The following RASSF3 variants were observed in gnomAD, a reference collection of about 807,000 sequenced individuals.
The protein encoded by RASSF3 is ras association domain-containing protein 3.
Under a neutral mutation model 19.9 loss-of-function variants are expected in RASSF3, and 19 were observed. That is an observed-to-expected ratio of 0.96 (90% CI 0.67 to 1.40). The LOEUF (loss-of-function observed/expected upper bound fraction) is 1.40, where lower values mean the gene tolerates loss of function less well. RASSF3 is among the 40% of genes most tolerant of loss of function. RASSF3 has a pLI of 0.00. For synonymous variants in RASSF3, 110 were observed against 104.2 expected (o/e 1.06, Z -0.34); for missense variants, 306 against 289.8 (o/e 1.06, Z -0.41).
intron 1 of RASSF3, among the ~76,000 whole-genome samples, chr12:64,541,182 C>T (rs764505023): frequency 1.3e-4 from 20 of 149,646 alleles, no homozygotes; most frequent in Admixed American, 2.7e-4. Flanking sequence ...GATGGGGTTT[C>T]GCCATGTTGC....
intron 2 of RASSF3, among the ~76,000 whole-genome samples, chr12:64,563,167 A>AT (rs1424648962): frequency 7.1e-4 from 104 of 146,458 alleles, no homozygotes; most frequent in African/African-American, 2.4e-3. Context: ...ATTTATTTTT[A>AT]TTTTTATTTT....
At chr12:64,641,428 G>A (rs1000766100) in intron 1 of RASSF3, among the ~76,000 whole-genome samples, 4 of 61,948 alleles carry the variant, frequency 6.5e-5, no homozygotes, top group Admixed American at 2.7e-4. Context: ...GCGCGCGCGC[G>A]TTGAAAACAA....
intron 1 of RASSF3, among the ~76,000 whole-genome samples, chr12:64,664,827 C>CA (rs1347381399): frequency 4.6e-5 from 7 of 152,178 alleles, no homozygotes; most frequent in African/African-American, 1.7e-4. Context: ...TCAGTACAAG[C>CA]ATTGATCTTT....
At chr12:64,676,350 G>A (rs1872901375) in intron 1 of RASSF3, among the ~76,000 whole-genome samples, 1 of 151,226 alleles carries the variant, frequency 6.6e-6, no homozygotes, top group South Asian at 2.1e-4. Flanking sequence ...TGTATTTTTA[G>A]TAGAAACAGG....
chr12:64,638,229 A>G (rs1028905300), intron 1 of RASSF3, among the ~76,000 whole-genome samples: 2 of 152,222 alleles, frequency 1.3e-5, no homozygotes, highest in African/African-American at 4.8e-5. Context: ...AAGTAGGTCA[A>G]ATGCTAGGAA....
At chr12:64,589,884 C>T (rs1433096429) in intron 2 of RASSF3, among the ~76,000 whole-genome samples, 2 of 151,630 alleles carry the variant, frequency 1.3e-5, no homozygotes, top group African/African-American at 4.9e-5. Flanking sequence ...TGCCTGTAAC[C>T]CCAGCTACTG....
chr12:64,585,909 T>G (rs1299529383), intron 2 of RASSF3, among the ~76,000 whole-genome samples: 1 of 152,100 alleles, frequency 6.6e-6, no homozygotes. Context: ...CCTGGCCAAG[T>G]CTTTAACAAT....
At position 64,571,633 on chromosome 12, in the gene RASSF3, T is replaced by C. The variant is rs535680224; in HGVS notation, c.294+29928T>C. Reference sequence around the variant, plus strand: ...CATGGGGGTGGGAGGAAGCCAAGCTTGGCAGCCTCTTCTGATCTGGTGTTA... The same window carrying C: ...CATGGGGGTGGGAGGAAGCCAAGCTCGGCAGCCTCTTCTGATCTGGTGTTA... On this transcript the variant is annotated intron_variant, in intron 2 of 5. Transcript: ENST00000637125. Among the ~76,000 whole-genome samples the C allele has an allele frequency of 1.1e-3, 171 of 152,350 alleles. 2 individuals are homozygous for C. Among genetic ancestry groups the C allele is most frequent in the African/African-American group, 3.8e-3 (157 of 41,588 alleles).
chr12:64,585,421 C>G (rs1869778209), intron 2 of RASSF3, among the ~76,000 whole-genome samples: 1 of 152,106 alleles, frequency 6.6e-6, no homozygotes, highest in African/African-American at 2.4e-5. Flanking sequence ...AAAGATTTCT[C>G]TCCCTGACTG....
At chr12:64,537,356 A>C (rs1316091654) in intron 1 of RASSF3, among the ~76,000 whole-genome samples, 1 of 152,180 alleles carries the variant, frequency 6.6e-6, no homozygotes. Flanking sequence ...CACAAACAGT[A>C]AGTTGAGGTT....
At position 64,697,056 on chromosome 12, in the gene RASSF3, G is replaced by A. The variant is rs2136229305; in HGVS notation, c.*2144G>A. On this transcript the variant is annotated 3_prime_UTR_variant, in exon 5 of 5. Coordinates refer to ENST00000542104, the MANE Select transcript of RASSF3 (RefSeq NM_178169.4). ...CTAAAGTAGTAGCTGATGGGTATCTGTGAATTTTTTTTTTTTTTTTTTTTT... is the reference window on the plus strand; with the variant it reads ...CTAAAGTAGTAGCTGATGGGTATCTATGAATTTTTTTTTTTTTTTTTTTTT... 1 of 145,834 alleles carries A rather than the reference G, an allele frequency of 6.9e-6. No homozygotes were observed. Among genetic ancestry groups the A allele is most frequent in the Non-Finnish European group, 1.5e-5 (1 of 66,864 alleles). 9.0% of individuals were successfully genotyped at this position (145,834 alleles called of 1,614,324 possible).
intron 1 of RASSF3, among the ~76,000 whole-genome samples, chr12:64,646,385 C>G (rs1283394720): frequency 1.3e-5 from 2 of 152,122 alleles, no homozygotes; most frequent in Admixed American, 6.6e-5. Flanking sequence ...TTTAGTTGTT[C>G]CATTTTTAAT....
intron 2 of RASSF3, among the ~76,000 whole-genome samples, chr12:64,584,006 A>G (rs1270085856): frequency 6.6e-6 from 1 of 152,246 alleles, no homozygotes. Context: ...AGCTAAAATC[A>G]TACATTCAGG....
chr12:64,681,207 T>A (rs1335104445), intron 1 of RASSF3, among the ~76,000 whole-genome samples: 1 of 152,218 alleles, frequency 6.6e-6, no homozygotes, highest in Non-Finnish European at 1.5e-5. Flanking sequence ...GCCCCTAGGA[T>A]GTATGTATGC....
chr12:64,555,408 A>T (rs1024211564), intron 2 of RASSF3, among the ~76,000 whole-genome samples: 2 of 152,122 alleles, frequency 1.3e-5, no homozygotes, highest in African/African-American at 4.8e-5. Flanking sequence ...CAAGAAATGT[A>T]TACCTCTTAA....
chr12:64,532,320 G>A (rs971762022), upstream of RASSF3, among the ~76,000 whole-genome samples: 7 of 151,998 alleles, frequency 4.6e-5, no homozygotes, highest in Non-Finnish European at 7.4e-5. Flanking sequence ...TCCAAACACT[G>A]GGAATTGTGA....
chr12:64,605,491 G>A (rs1870175294), intron 2 of RASSF3, among the ~76,000 whole-genome samples: 1 of 152,118 alleles, frequency 6.6e-6, no homozygotes. Flanking sequence ...GTCAATGGAG[G>A]AGAACAGAAC....
chr12:64,549,725 G>A lies in RASSF3; in HGVS notation c.294+8020G>A, dbSNP rs144532929. ...TCTCTCCTGAGCCCCATAAGCGGAGGTAGGGATACAGTAGTTGGTGTGTTT... is the reference window on the plus strand; with the variant it reads ...TCTCTCCTGAGCCCCATAAGCGGAGATAGGGATACAGTAGTTGGTGTGTTT... On this transcript the variant is annotated intron_variant, in intron 2 of 5. Transcript: ENST00000637125. 7.8e-4 allele frequency among the ~76,000 whole-genome samples: 119 copies of A among 152,300 alleles called. 1 individual carries two copies. Among genetic ancestry groups the A allele is most frequent in the Non-Finnish European group, 7.4e-4 (50 of 68,020 alleles).
chr12:64,568,882 G>T (rs919345326), intron 2 of RASSF3, among the ~76,000 whole-genome samples: 6 of 152,024 alleles, frequency 3.9e-5, no homozygotes, highest in Non-Finnish European at 8.8e-5. Context: ...GCTAATTTTT[G>T]TATTATTTTA....
Sources: allele counts gnomAD v4.1 joint callset (sites outside exome capture counted in the v4.1 genomes callset), GRCh38; gene constraint gnomAD v4.1.1; transcripts MANE v1.5; gene names NCBI Gene and HGNC (gene_info 2026-07-23, HGNC 2026-07-21).